CAST: variants seen among roughly 807,000 people sequenced by gnomAD.
CAST encodes calpastatin, also known as MIR583 host.
A neutral mutation model predicts 119.6 loss-of-function variants in CAST; 76 were observed. The observed-to-expected ratio is 0.64, with a 90% confidence interval of 0.53 to 0.77. The LOEUF (loss-of-function observed/expected upper bound fraction) is 0.77. Among genes scored for constraint, CAST ranks in the 30% least tolerant of loss-of-function variants. The pLI is 0.00. For synonymous variants in CAST, 319 were observed against 331.6 expected (o/e 0.96, Z 0.41); for missense variants, 953 against 946.5 (o/e 1.01, Z -0.09).
At chr5:96,403,331 T>G in the CAST span, among the ~76,000 whole-genome samples, 3 of 152,210 alleles carry the variant, frequency 2.0e-5, no homozygotes, top group African/African-American at 7.2e-5. Context: ...TTGTTACATA[T>G]GTACACATGT....
chr5:96,333,976 T>A, the CAST span, among the ~76,000 whole-genome samples: 2 of 152,208 alleles, frequency 1.3e-5, no homozygotes, highest in Non-Finnish European at 2.9e-5. Flanking sequence ...CTCTATATTT[T>A]AAAAATATTT....
At chr5:95,971,140 TA>T in the CAST span, among the ~76,000 whole-genome samples, 2 of 152,230 alleles carry the variant, frequency 1.3e-5, no homozygotes, top group South Asian at 4.1e-4. Flanking sequence ...ATTTTGTTTT[TA>T]CATAGAGGAA....
At chr5:96,124,549 T>A in the CAST span, among the ~76,000 whole-genome samples, 1 of 152,222 alleles carries the variant, frequency 6.6e-6, no homozygotes, top group Non-Finnish European at 1.5e-5. Context: ...TAATTCATTA[T>A]AACTTCCAAT....
At chr5:96,025,207 T>C in the CAST span, among the ~76,000 whole-genome samples, 1 of 152,268 alleles carries the variant, frequency 6.6e-6, no homozygotes, top group East Asian at 1.9e-4. Context: ...TTTCTCACAG[T>C]TCTGGAGGCC....
At chr5:96,165,815 G>A in the CAST span, among the ~76,000 whole-genome samples, 3 of 152,334 alleles carry the variant, frequency 2.0e-5, no homozygotes, top group East Asian at 5.8e-4. Flanking sequence ...TATCAGTGAT[G>A]TGAATGACTT....
chr5:96,522,129 G>GACTA (rs1745528207), upstream of CAST, among the ~76,000 whole-genome samples: 1 of 151,780 alleles, frequency 6.6e-6, no homozygotes. Flanking sequence ...AAAAAAAAAT[G>GACTA]ACTAGAGAAA....
In CAST at chr5:96,573,801, C is replaced by T. The variant is rs117066834; in HGVS notation, c.60+43921C>T. On this transcript the variant is annotated intron_variant, in intron 1 of 11. Transcript: ENST00000505143. ...AGACAATCCAACTTTCTCAAACAAC[C>T]ACTCTTCTGATTTCCTCATGAGGGA... Among the ~76,000 whole-genome samples, 72 of 152,326 alleles carry T rather than the reference C, an allele frequency of 4.7e-4. 1 individual carries two copies. In the East Asian group the frequency reaches 0.013, roughly 27 times the overall value.
chr5:96,296,016 C>T, the CAST span, among the ~76,000 whole-genome samples: 1 of 152,060 alleles, frequency 6.6e-6, no homozygotes, highest in Non-Finnish European at 1.5e-5. Flanking sequence ...AAATGTTCTA[C>T]CATGAACAGT....
At chr5:96,235,636 CT>C in the CAST span, among the ~76,000 whole-genome samples, 4 of 152,182 alleles carry the variant, frequency 2.6e-5, no homozygotes, top group African/African-American at 9.6e-5. Context: ...GAGTTCTGGG[CT>C]TTTTTTGTAG....
At chr5:96,568,564 C>CAAAAA (rs70981830) in intron 1 of CAST, among the ~76,000 whole-genome samples, 5 of 70,914 alleles carry the variant, frequency 7.1e-5, no homozygotes, top group Admixed American at 2.0e-4. Context: ...GACTCCATCT[C>CAAAAA]AAAAAAAAAA....
intron 3 of CAST, among the ~76,000 whole-genome samples, chr5:96,714,103 G>T (rs547766595): frequency 6.6e-6 from 1 of 152,320 alleles, no homozygotes; most frequent in South Asian, 2.1e-4. Flanking sequence ...TGTACCATGT[G>T]CCAGGCACCA....
intron 4 of CAST, among the ~76,000 whole-genome samples, chr5:96,725,547 T>C (rs1208923862): frequency 6.6e-6 from 1 of 152,226 alleles, no homozygotes; most frequent in Non-Finnish European, 1.5e-5. Context: ...GAAGATAAAG[T>C]GGGTTGACAC....
chr5:96,684,796 C>T (rs1281925485), intron 2 of CAST, among the ~76,000 whole-genome samples: 2 of 152,088 alleles, frequency 1.3e-5, no homozygotes, highest in Admixed American at 1.3e-4. Flanking sequence ...TCTCGAACTC[C>T]TGACCTCAGG....
chr5:96,376,441 T>A, the CAST span, among the ~76,000 whole-genome samples: 1 of 152,098 alleles, frequency 6.6e-6, no homozygotes, highest in African/African-American at 2.4e-5. Context: ...ATTTCTATTT[T>A]TTTTTTTTTA....
chr5:96,419,772 A>G, the CAST span, among the ~76,000 whole-genome samples: 1 of 151,946 alleles, frequency 6.6e-6, no homozygotes, highest in Non-Finnish European at 1.5e-5. Flanking sequence ...CAGGGAAATT[A>G]TATTTTATTT....
At chr5:96,491,507 A>AAAAAAAAC in the CAST span, among the ~76,000 whole-genome samples, 1 of 101,934 alleles carries the variant, frequency 9.8e-6, no homozygotes, top group South Asian at 2.9e-4. Flanking sequence ...AAAAAAAAAA[A>AAAAAAAAC]AAAAAAAAAA....
At chr5:96,595,220 A>C (rs144674320) in intron 1 of CAST, among the ~76,000 whole-genome samples, 142 of 152,338 alleles carry the variant, frequency 9.3e-4, no homozygotes, top group African/African-American at 3.2e-3. Context: ...CTCAGATACT[A>C]AACCGGATGT....
the CAST span, among the ~76,000 whole-genome samples, chr5:96,071,576 C>T: frequency 6.6e-6 from 1 of 152,110 alleles, no homozygotes; most frequent in Non-Finnish European, 1.5e-5. Context: ...GGCACCAGGC[C>T]TATTGTTCTT....
upstream of CAST, chr5:96,529,723 G>T: frequency 2.7e-6 from 1 of 376,222 alleles, no homozygotes; most frequent in Non-Finnish European, 5.3e-6. Context: ...CCCATCCTGT[G>T]ATATCCTTGT....
Sources: allele counts gnomAD v4.1 joint callset (sites outside exome capture counted in the v4.1 genomes callset), GRCh38; gene constraint gnomAD v4.1.1; transcripts MANE v1.5; gene names NCBI Gene and HGNC (gene_info 2026-07-23, HGNC 2026-07-21).